NRXN3: variants seen among roughly 807,000 people sequenced by gnomAD.
NRXN3 encodes the protein neurexin 3.
Under a neutral mutation model 137.6 loss-of-function variants are expected in NRXN3, and 32 were observed. That is an observed-to-expected ratio of 0.23 (90% confidence interval 0.18 to 0.31). The LOEUF (loss-of-function observed/expected upper bound fraction) is 0.31, where lower values mean the gene tolerates loss of function less well. Ranked by LOEUF, NRXN3 falls within the 10% of genes least tolerant of loss-of-function variation. The probability of loss-of-function intolerance (pLI) is 1.00; values close to 1 mark genes in which losing one functional copy is unlikely to be tolerated. For missense variants in NRXN3, 1,574 were observed against 2,062.5 expected, an observed-to-expected ratio of 0.76 and a Z score of 4.59; for synonymous variants, 798 against 784.5, an observed-to-expected ratio of 1.02 and a Z score of -0.29.
intron 19 of NRXN3, among the ~76,000 whole-genome samples, chr14:79,717,715 T>TA (rs2098828362): frequency 6.6e-6 from 1 of 152,214 alleles, no homozygotes. Context: ...GCTACTATAG[T>TA]GCCCTTTCTT....
intron 16 of NRXN3, among the ~76,000 whole-genome samples, chr14:79,548,550 A>G (rs2097343128): frequency 6.6e-6 from 1 of 152,022 alleles, no homozygotes; most frequent in Non-Finnish European, 1.5e-5. Context: ...TTGGGTATAT[A>G]CCCTGCAATC....
intron 20 of NRXN3, among the ~76,000 whole-genome samples, chr14:79,849,176 G>A (rs183886478): frequency 3.3e-5 from 5 of 152,156 alleles, no homozygotes; most frequent in East Asian, 3.9e-4. Context: ...ATTCTGCAAC[G>A]GCTTCCCAAT....
rs1174872709 is a variant in NRXN3, at chr14:78,657,046, C to CAAAA, written c.1221+5746_1221+5749dup. Among the ~76,000 whole-genome samples, 121 of 31,068 alleles carry CAAAA rather than the reference C, an allele frequency of 3.9e-3. 8 individuals carry two copies. The highest frequency in any genetic ancestry group is 0.011 in the African/African-American group (102 of 9,202). 20.4% of individuals were successfully genotyped at this position (31,068 alleles called of 152,430 possible). A position where few individuals can be genotyped will look rare whatever the true frequency, so the allele number is the denominator to read the frequency against. ...TGGGCGACAGAGTGAGACTCCGTCTCAAAAAAAAAAAAAAAAAAAAAAAAA... is the reference window on the plus strand; with the variant it reads ...TGGGCGACAGAGTGAGACTCCGTCTCAAAAAAAAAAAAAAAAAAAAAAAAAAAAA... On this transcript the variant is annotated intron_variant, in intron 6 of 20. Transcript: ENST00000335750.
At chr14:79,524,050 C>T (rs1816869617) in intron 16 of NRXN3, among the ~76,000 whole-genome samples, 2 of 152,138 alleles carry the variant, frequency 1.3e-5, no homozygotes, top group South Asian at 2.1e-4. Flanking sequence ...TCTAAATAAT[C>T]GGTAATGAGA....
chr14:78,216,604 A>T (rs1264503782), intron 1 of NRXN3, among the ~76,000 whole-genome samples: 1 of 152,216 alleles, frequency 6.6e-6, no homozygotes, highest in Non-Finnish European at 1.5e-5. Context: ...AGGAGAATGA[A>T]GACCTCCCCA....
At chr14:79,486,494 G>C (rs2096656740) in intron 16 of NRXN3, among the ~76,000 whole-genome samples, 1 of 152,186 alleles carries the variant, frequency 6.6e-6, no homozygotes, top group South Asian at 2.1e-4. Context: ...GACCACTGCT[G>C]TGGTGGGAAA....
chr14:78,933,830 A>G (rs1043369387), intron 10 of NRXN3, among the ~76,000 whole-genome samples: 4 of 152,122 alleles, frequency 2.6e-5, no homozygotes, highest in Non-Finnish European at 5.9e-5. Flanking sequence ...ATCATCATTA[A>G]CTATAGTCTC....
chr14:79,580,357 A>C (rs555102143), intron 16 of NRXN3, among the ~76,000 whole-genome samples: 1 of 152,040 alleles, frequency 6.6e-6, no homozygotes, highest in Non-Finnish European at 1.5e-5. Context: ...CATTGTTTAG[A>C]ATTGTGAAGG....
intron 11 of NRXN3, among the ~76,000 whole-genome samples, chr14:78,961,852 G>A (rs574469589): frequency 3.9e-5 from 6 of 152,098 alleles, no homozygotes; most frequent in African/African-American, 7.2e-5. Flanking sequence ...TATGTCCTTC[G>A]TCACTCTAAG....
rs1476624899 is a variant in NRXN3 at position 79,130,233 on chromosome 14, C to T, written c.3262+142092C>T. Among the ~76,000 whole-genome samples, 6 of 150,762 alleles carry T rather than the reference C, an allele frequency of 4.0e-5. No individual in the cohort carries two copies. The South Asian group carries it at 6.4e-4, about 16-fold the overall frequency. Reference sequence around the variant, plus strand: ...TGATCCTGTCATTATGATGTTAGCTCGTTATTTTGTTCATTAGTTGATGCA... The same window carrying T: ...TGATCCTGTCATTATGATGTTAGCTTGTTATTTTGTTCATTAGTTGATGCA... On this transcript the variant is annotated intron_variant, in intron 15 of 20. Coordinates refer to ENST00000335750, the MANE Select transcript of NRXN3 (RefSeq NM_001330195.2).
intron 19 of NRXN3, among the ~76,000 whole-genome samples, chr14:79,735,956 G>A (rs2098940342): frequency 6.6e-6 from 1 of 152,130 alleles, no homozygotes; most frequent in South Asian, 2.1e-4. Flanking sequence ...ATAAAATAAT[G>A]TACAAAATTA....
At chr14:78,880,058 T>C (rs1261270833) in intron 10 of NRXN3, among the ~76,000 whole-genome samples, 1 of 141,652 alleles carries the variant, frequency 7.1e-6, no homozygotes, top group Non-Finnish European at 1.5e-5. Flanking sequence ...GCTAAAACGG[T>C]GAAACCCCGT....
Position 78,709,843 on chromosome 14 carries a change from G to T in NRXN3, c.1660+188G>T, listed in dbSNP as rs192485121. The T allele has an allele frequency of 6.7e-6, 4 of 595,336 alleles. No homozygotes were observed. The African/African-American group carries it at 7.5e-5, about 11-fold the overall frequency. The allele number at this position is 595,336 out of a possible 1,614,324, so 36.9% of individuals were successfully genotyped here. A position where few individuals can be genotyped will look rare whatever the true frequency, so the allele number is the denominator to read the frequency against. ...GTCTCATAGATGGCTCACATTCTCC[G>T]CTTATCTCTCTTGTCACTCACTGCG... On this transcript the variant is annotated intron_variant, in intron 7 of 20. Coordinates refer to ENST00000335750, the MANE Select transcript of NRXN3 (RefSeq NM_001330195.2).
At chr14:78,825,196 C>CAAAAAAAAAAAA (rs11335474) in intron 10 of NRXN3, among the ~76,000 whole-genome samples, 27 of 75,738 alleles carry the variant, frequency 3.6e-4, no homozygotes, top group East Asian at 1.0e-3. Context: ...GACTCTGCCT[C>CAAAAAAAAAAAA]AAAAAAAAAA....
chr14:79,487,983 C>A (rs1420173376), intron 16 of NRXN3, among the ~76,000 whole-genome samples: 2 of 152,100 alleles, frequency 1.3e-5, no homozygotes, highest in Non-Finnish European at 2.9e-5. Context: ...TATTAATGGG[C>A]CTTCATACCT....
intron 16 of NRXN3, among the ~76,000 whole-genome samples, chr14:79,490,050 A>AG (rs1386361190): frequency 9.2e-5 from 14 of 151,668 alleles, no homozygotes; most frequent in Non-Finnish European, 1.8e-4. Context: ...AAAAAAAAAA[A>AG]AAAAAAAAAA....
chr14:79,023,532 T>C (rs1022297879), intron 15 of NRXN3, among the ~76,000 whole-genome samples: 10 of 152,106 alleles, frequency 6.6e-5, no homozygotes, highest in African/African-American at 2.2e-4. Flanking sequence ...TATTAGTCCA[T>C]TCTCACACTG....
At chr14:78,626,247 C>T (rs142045389) in intron 4 of NRXN3, among the ~76,000 whole-genome samples, 11 of 152,246 alleles carry the variant, frequency 7.2e-5, no homozygotes, top group African/African-American at 1.2e-4. Flanking sequence ...AACTACAGTG[C>T]GCAGCTCTCA....
At chr14:79,568,411 G>C (rs1409065922) in intron 16 of NRXN3, among the ~76,000 whole-genome samples, 1 of 152,134 alleles carries the variant, frequency 6.6e-6, no homozygotes, top group Non-Finnish European at 1.5e-5. Context: ...ACAGTGCTTA[G>C]AACTTTCAAT....
Sources: allele counts gnomAD v4.1 joint callset (sites outside exome capture counted in the v4.1 genomes callset), GRCh38; gene constraint gnomAD v4.1.1; transcripts MANE v1.5; gene names NCBI Gene and HGNC (gene_info 2026-07-23, HGNC 2026-07-21).